The following ASTN2 variants were observed in gnomAD, a reference collection of about 807,000 sequenced individuals.
ASTN2 encodes the protein astrotactin 2, also known as astrotactin-2.
Under a neutral mutation model 139.8 loss-of-function variants are expected in ASTN2, and 54 were observed. The ratio of observed to expected loss-of-function variants is 0.39; its 90% CI spans 0.31 to 0.48. ASTN2 has a LOEUF of 0.48. ASTN2 is among the 20% of genes least tolerant of loss of function. ASTN2 has a pLI of 0.95. For synonymous variants in ASTN2, 756 were observed against 719.5 expected, an observed-to-expected ratio of 1.05 and a Z score of -0.81; for missense variants, 1,565 against 1,725.1, an observed-to-expected ratio of 0.91 and a Z score of 1.64.
Position 116,497,942 on chromosome 9 carries a change from C to T in ASTN2, c.3356-10442G>A, listed in dbSNP as rs1849721325. On this transcript the variant is annotated intron_variant, in intron 19 of 22. Coordinates refer to ENST00000313400, the MANE Select transcript of ASTN2 (RefSeq NM_001365068.1). ...TATCAGATTCTCAGTTCCCCTAATA[C>T]TTCCAACTTTCTCTGGGCCAAACAC... Among the ~76,000 whole-genome samples the T allele has an allele frequency of 2.6e-5, 4 of 152,312 alleles. No individual in the cohort carries two copies. In the South Asian group the frequency reaches 6.2e-4, roughly 24 times the overall value.
intron 3 of ASTN2, among the ~76,000 whole-genome samples, chr9:117,172,492 T>C (rs933905974): frequency 2.0e-5 from 3 of 152,146 alleles, no homozygotes; most frequent in Non-Finnish European, 4.4e-5. Flanking sequence ...TATTGAGTGT[T>C]ACCTTTTAAA....
intron 19 of ASTN2, chr9:116,550,941 A>C (rs957151183): frequency 1.3e-5 from 2 of 152,246 alleles, no homozygotes; most frequent in South Asian, 4.1e-4. Context: ...AGCCTAAAGG[A>C]AGCCGCATGT....
intron 10 of ASTN2, among the ~76,000 whole-genome samples, chr9:116,901,185 A>G (rs1364964732): frequency 6.6e-6 from 1 of 152,086 alleles, no homozygotes; most frequent in African/African-American, 2.4e-5. Flanking sequence ...ATATGCCCAT[A>G]TGCCCAGGCA....
chr9:116,639,719 C>T (rs1459747722), intron 17 of ASTN2, among the ~76,000 whole-genome samples: 2 of 152,140 alleles, frequency 1.3e-5, no homozygotes, highest in Admixed American at 6.5e-5. Flanking sequence ...AAAAGGATTC[C>T]AGCCCTGGCT....
intron 6 of ASTN2, among the ~76,000 whole-genome samples, chr9:117,035,977 C>A (rs1227888931): frequency 6.6e-6 from 1 of 152,140 alleles, no homozygotes. Flanking sequence ...TCTTTCTCTA[C>A]AAACTGTTTT....
chr9:116,516,417 A>T (rs1390051709), intron 19 of ASTN2, among the ~76,000 whole-genome samples: 1 of 152,204 alleles, frequency 6.6e-6, no homozygotes, highest in Non-Finnish European at 1.5e-5. Context: ...CTACATCATA[A>T]TCTCATTTGA....
chr9:116,871,440 C>T (rs149701191), intron 10 of ASTN2, among the ~76,000 whole-genome samples: 2 of 152,196 alleles, frequency 1.3e-5, no homozygotes, highest in East Asian at 3.9e-4. Context: ...CAAAGAGAAA[C>T]CCTGCCTCTA....
intron 10 of ASTN2, among the ~76,000 whole-genome samples, chr9:116,879,183 C>T (rs936876334): frequency 1.3e-5 from 2 of 152,136 alleles, no homozygotes; most frequent in Admixed American, 6.5e-5. Flanking sequence ...CTCTATGGGC[C>T]TCAGATTCTA....
At chr9:117,068,559 A>G (rs1828018487) in intron 5 of ASTN2, among the ~76,000 whole-genome samples, 1 of 113,714 alleles carries the variant, frequency 8.8e-6, no homozygotes, top group Non-Finnish European at 1.9e-5. Flanking sequence ...TTTTCTATTG[A>G]TTGGAATAGT....
intron 10 of ASTN2, among the ~76,000 whole-genome samples, chr9:116,878,312 C>T (rs1444957638): frequency 2.0e-5 from 3 of 152,130 alleles, no homozygotes; most frequent in Non-Finnish European, 2.9e-5. Flanking sequence ...CCCAAATGCC[C>T]GTCATGACAG....
intron 11 of ASTN2, among the ~76,000 whole-genome samples, chr9:116,840,549 T>A (rs13292497): frequency 8.4e-4 from 1 of 1,188 alleles, no homozygotes; most frequent in Non-Finnish European, 1.6e-3. Context: ...GCTGGCCGGG[T>A]GGGGGGCTGA....
At chr9:116,979,675 C>A (rs1198464272) in intron 7 of ASTN2, among the ~76,000 whole-genome samples, 6 of 152,026 alleles carry the variant, frequency 3.9e-5, no homozygotes, top group Non-Finnish European at 8.8e-5. Context: ...CCACAGGCCT[C>A]ATGATTCATA....
intron 1 of ASTN2, among the ~76,000 whole-genome samples, chr9:117,299,172 T>C (rs544593310): frequency 5.4e-4 from 82 of 152,206 alleles, no homozygotes; most frequent in Non-Finnish European, 1.1e-3. Context: ...CCACGAAGAA[T>C]GGCACTCACT....
At chr9:116,822,459 T>C (rs1307756194) in intron 11 of ASTN2, among the ~76,000 whole-genome samples, 2 of 152,168 alleles carry the variant, frequency 1.3e-5, no homozygotes, top group Non-Finnish European at 2.9e-5. Flanking sequence ...TCTCTGAACA[T>C]TCACTGTCAG....
chr9:116,926,645 A>G (rs1386350168), intron 10 of ASTN2, among the ~76,000 whole-genome samples: 1 of 152,192 alleles, frequency 6.6e-6, no homozygotes, highest in Non-Finnish European at 1.5e-5. Flanking sequence ...TCCAGGCACT[A>G]TCTTATGGAC....
chr9:117,065,123 A>G (rs1417648780), intron 5 of ASTN2, among the ~76,000 whole-genome samples: 2 of 152,148 alleles, frequency 1.3e-5, no homozygotes, highest in Non-Finnish European at 2.9e-5. Flanking sequence ...ATACAGGACT[A>G]GGAACTTCGA....
chr9:116,763,493 C>T (rs1829727532), intron 13 of ASTN2, among the ~76,000 whole-genome samples: 1 of 152,108 alleles, frequency 6.6e-6, no homozygotes, highest in African/African-American at 2.4e-5. Context: ...CCAGGCCAAA[C>T]CCATCACTCA....
intron 1 of ASTN2, among the ~76,000 whole-genome samples, chr9:117,410,719 A>T (rs1000549000): frequency 6.6e-6 from 1 of 152,176 alleles, no homozygotes; most frequent in African/African-American, 2.4e-5. Flanking sequence ...TGGTCCAGAA[A>T]GTGCCCCCAG....
At chr9:116,467,746 T>A (rs1323546140) in intron 20 of ASTN2, among the ~76,000 whole-genome samples, 1 of 152,268 alleles carries the variant, frequency 6.6e-6, no homozygotes, top group Non-Finnish European at 1.5e-5. Flanking sequence ...ATAAAGTTGT[T>A]GTGATGATTA....
Sources: gnomAD v4.1 joint callset for allele counts (sites outside exome capture counted in the v4.1 genomes callset) on GRCh38, gnomAD v4.1.1 for gene constraint, MANE v1.5 for transcripts, NCBI Gene and HGNC (gene_info 2026-07-23, HGNC 2026-07-21) for gene names.